CFAP206: variants seen among roughly 807,000 people sequenced by gnomAD.
CFAP206 encodes cilia- and flagella-associated protein 206.
In CFAP206, 53 loss-of-function variants were observed where a neutral mutation model predicts 65.4. The observed-to-expected ratio is 0.81, with a 90% CI of 0.65 to 1.02. The LOEUF (loss-of-function observed/expected upper bound fraction) is 1.02. CFAP206 is among the 50% of genes least tolerant of loss of function. The pLI is 0.00. For synonymous variants in CFAP206, 250 were observed against 254.4 expected (o/e 0.98, Z 0.17); for missense variants, 663 against 753.2 (o/e 0.88, Z 1.40).
chr6:87,411,615 GT>G (rs145207427), intron 3 of CFAP206, among the ~76,000 whole-genome samples: 5,769 of 152,146 alleles, frequency 0.038, 144 homozygotes, highest in Non-Finnish European at 0.057. Context: ...AGCCCCCTAG[GT>G]TTTTTTCTGT....
At chr6:87,457,446 A>G (rs564963088) in intron 11 of CFAP206, among the ~76,000 whole-genome samples, 1 of 152,234 alleles carries the variant, frequency 6.6e-6, no homozygotes, top group African/African-American at 2.4e-5. Flanking sequence ...GCAAAATAGC[A>G]TGGTACTGGC....
intron 11 of CFAP206, among the ~76,000 whole-genome samples, chr6:87,459,805 G>A (rs1215149984): frequency 6.6e-6 from 1 of 152,178 alleles, no homozygotes; most frequent in African/African-American, 2.4e-5. Context: ...GGAAAGGTAT[G>A]TTGTATGTGG....
intron 7 of CFAP206, among the ~76,000 whole-genome samples, chr6:87,422,265 A>G (rs1466528551): frequency 6.6e-6 from 1 of 151,192 alleles, no homozygotes; most frequent in Non-Finnish European, 1.5e-5. Context: ...CCTGGCTAAC[A>G]TGGTGAAACC....
At chr6:87,455,482 T>C (rs911026645) in intron 11 of CFAP206, among the ~76,000 whole-genome samples, 5 of 150,282 alleles carry the variant, frequency 3.3e-5, no homozygotes, top group Non-Finnish European at 7.4e-5. Context: ...AATTAGTAGA[T>C]GAAAAGAAAT....
rs557565295 is a variant in CFAP206, at chr6:87,454,284, A to G, written c.1495-6738A>G. Reference sequence around the variant, plus strand: ...GCGAAATAGACCCCAATACAATAATAGCTGGAGACTTCAACATCCCACTTT... The same window carrying G: ...GCGAAATAGACCCCAATACAATAATGGCTGGAGACTTCAACATCCCACTTT... On this transcript the variant is annotated intron_variant, in intron 11 of 12. Coordinates refer to ENST00000369562, the MANE Select transcript of CFAP206 (RefSeq NM_001031743.3). Among the ~76,000 whole-genome samples the G allele has an allele frequency of 6.9e-4, 105 of 152,342 alleles. 2 individuals are homozygous for G. The highest frequency in any genetic ancestry group is 2.5e-3 in the African/African-American group (102 of 41,580).
chr6:87,450,259 A>G lies in CFAP206; in HGVS notation c.1495-10763A>G, dbSNP rs531350017. Among the ~76,000 whole-genome samples, 3 of 152,226 alleles carry G rather than the reference A, an allele frequency of 2.0e-5. No homozygotes were observed. In the South Asian group the frequency reaches 6.2e-4, roughly 32 times the overall value. On this transcript the variant is annotated intron_variant, in intron 11 of 12. Transcript: ENST00000369562. ...TGAAGTCAGGTAGTGTGATGCCTCC[A>G]GGTTTGTTCTCTTTGCTCAGGATTG...
intron 11 of CFAP206, among the ~76,000 whole-genome samples, chr6:87,460,819 C>T (rs1442160622): frequency 6.6e-6 from 1 of 151,996 alleles, no homozygotes; most frequent in Admixed American, 6.6e-5. Context: ...TTAACAAAAT[C>T]ACGAAGCCAT....
chr6:87,434,046 G>A (rs1269687973), intron 10 of CFAP206, among the ~76,000 whole-genome samples: 2 of 151,380 alleles, frequency 1.3e-5, no homozygotes, highest in East Asian at 2.0e-4. Context: ...GTTGTAGTGA[G>A]CTGAGATCAC....
chr6:87,415,939 A>G, intron 5 of CFAP206, 65 bp downstream of exon 5: 1 of 1,195,904 alleles, frequency 8.4e-7, no homozygotes, highest in African/African-American at 1.6e-5. Context: ...TTTATAAAAC[A>G]TGTTAAATTA....
chr6:87,452,979 G>A (rs1185247090), intron 11 of CFAP206, among the ~76,000 whole-genome samples: 3 of 151,808 alleles, frequency 2.0e-5, no homozygotes, highest in Admixed American at 6.6e-5. Context: ...AGTATAAGAA[G>A]GTTATAAAAC....
At chr6:87,419,347 A>C (rs1767899435) in intron 7 of CFAP206, among the ~76,000 whole-genome samples, 1 of 152,166 alleles carries the variant, frequency 6.6e-6, no homozygotes, top group Admixed American at 6.5e-5. Context: ...AATATGGTAA[A>C]GTGGTGGTTA....
chr6:87,413,536 T>C (rs1400299755), intron 3 of CFAP206, among the ~76,000 whole-genome samples: 1 of 152,106 alleles, frequency 6.6e-6, no homozygotes, highest in Non-Finnish European at 1.5e-5. Context: ...AGGTGTTAGC[T>C]ACCCTAAAAG....
At chr6:87,426,291 T>A (rs1768041880) in intron 7 of CFAP206, among the ~76,000 whole-genome samples, 1 of 152,176 alleles carries the variant, frequency 6.6e-6, no homozygotes, top group Non-Finnish European at 1.5e-5. Context: ...CTGTATACAT[T>A]TAAGAAAAAT....
At chr6:87,437,073 C>G (rs1200523915) in intron 11 of CFAP206, among the ~76,000 whole-genome samples, 1 of 152,106 alleles carries the variant, frequency 6.6e-6, no homozygotes, top group Admixed American at 6.5e-5. Flanking sequence ...CAGGTTCAAG[C>G]AATTCTCTGC....
rs753932020 is a variant in CFAP206 at position 87,426,537 on chromosome 6, T to A, written c.852T>A (p.Ile284=). ...TGTTGTTTTCACAGTCAGATATAAT[T>A]ACTGGTGCTCAAGAAGTGGAAATGA... is the stretch of plus-strand genomic sequence containing the variant. ...VFLQIILSDI[I]TGAQEVEMMT... Residue 284 remains isoleucine, a synonymous_variant, in exon 8 of 13, where the codon ATT becomes ATA. Coordinates refer to ENST00000369562, the MANE Select transcript of CFAP206 (RefSeq NM_001031743.3). 1 of 1,581,226 alleles carries A rather than the reference T, an allele frequency of 6.3e-7. No individual in the cohort carries two copies.
chr6:87,418,367 A>G lies in CFAP206; in HGVS notation c.791A>G (p.Glu264Gly), dbSNP rs866456170. Residue 264 changes from glutamate to glycine, a missense_variant, in exon 7 of 13, where the codon GAA (glutamate) becomes GGA (glycine). Physicochemically the swap from Glu to Gly is moderately conservative, Grantham distance 98. Coordinates refer to ENST00000369562, the MANE Select transcript of CFAP206 (RefSeq NM_001031743.3). Reference sequence around the variant, plus strand: ...GAACTTCAGCCATATATGTTAAAAGAAGCGCTATATAATATACGACAATAT... The same window carrying G: ...GAACTTCAGCCATATATGTTAAAAGGAGCGCTATATAATATACGACAATAT... ...RAELQPYMLKEALYNIRQYEV... is the reference protein window; with the variant it reads ...RAELQPYMLKGALYNIRQYEV... The G allele has an allele frequency of 1.2e-6, 2 of 1,614,182 alleles. No homozygotes were observed. Among genetic ancestry groups the G allele is most frequent in the Middle Eastern group, 3.3e-4 (2 of 6,062 alleles).
intron 7 of CFAP206, among the ~76,000 whole-genome samples, chr6:87,419,802 CCTAT>C (rs1767907906): frequency 6.6e-6 from 1 of 152,164 alleles, no homozygotes; most frequent in African/African-American, 2.4e-5. Context: ...TCACAACTAG[CCTAT>C]CTAATTGTCT....
chr6:87,423,464 G>A (rs1767984472), intron 7 of CFAP206, among the ~76,000 whole-genome samples: 1 of 151,302 alleles, frequency 6.6e-6, no homozygotes, highest in South Asian at 2.1e-4. Flanking sequence ...TAGCTAGGAA[G>A]GTCTCTTATC....
intron 11 of CFAP206, among the ~76,000 whole-genome samples, chr6:87,442,739 G>C (rs187460928): frequency 3.2e-4 from 48 of 152,036 alleles, no homozygotes; most frequent in African/African-American, 1.1e-3. Flanking sequence ...TGAGATGATC[G>C]TTTGGCCTTT....
Sources: allele counts gnomAD v4.1 joint callset (sites outside exome capture counted in the v4.1 genomes callset), GRCh38; gene constraint gnomAD v4.1.1; transcripts MANE v1.5; gene names NCBI Gene and HGNC (gene_info 2026-07-23, HGNC 2026-07-21).